Variants in MGA observed in about 807,000 individuals in gnomAD.
MGA encodes MAX dimerization protein MGA.
Under a neutral mutation model 261.1 loss-of-function variants are expected in MGA, and 40 were observed. That is an observed-to-expected ratio of 0.15 (90% CI 0.12 to 0.20). MGA has a LOEUF of 0.20. MGA is among the 10% of genes least tolerant of loss of function. The pLI is 1.00. For missense variants in MGA, 3,397 were observed against 3,630.5 expected, an observed-to-expected ratio of 0.94 and a Z score of 1.65; for synonymous variants, 1,302 against 1,290.6, an observed-to-expected ratio of 1.01 and a Z score of -0.19.
chr15:41,678,159 C>T (rs1016284344), intron 2 of MGA, among the ~76,000 whole-genome samples: 1 of 148,458 alleles, frequency 6.7e-6, no homozygotes, highest in Non-Finnish European at 1.5e-5. Flanking sequence ...GGTGTGATCT[C>T]GACTCACTGC....
rs374543045 is a variant in MGA, at chr15:41,743,058, G to A, written c.5098G>A (p.Val1700Met). 136 of 1,613,856 alleles carry A rather than the reference G, an allele frequency of 8.4e-5. No individual in the cohort carries two copies. In the East Asian group the frequency reaches 2.5e-3, roughly 29 times the overall value. ...TTCCACTGCTTCCACCTCCTTAGTC[G>A]TGGTGACTGCAGCTGCATCTTCCTC... The change falls in exon 15 of 24, where the codon GTG (valine) becomes ATG (methionine). Residue 1700 changes from valine to methionine, a missense_variant. Val to Met is a conservative substitution (Grantham distance 21, BLOSUM62 1). Coordinates refer to ENST00000219905, the MANE Select transcript of MGA (RefSeq NM_001164273.2).
intron 7 of MGA, among the ~76,000 whole-genome samples, chr15:41,708,954 C>T (rs2060248999): frequency 6.6e-6 from 1 of 152,080 alleles, no homozygotes; most frequent in Non-Finnish European, 1.5e-5. Context: ...ATAAATATGC[C>T]AGTTTTCCAA....
At chr15:41,688,676 T>C (rs1363481432) in intron 2 of MGA, among the ~76,000 whole-genome samples, 1 of 152,158 alleles carries the variant, frequency 6.6e-6, no homozygotes, top group African/African-American at 2.4e-5. Context: ...TTTCCCTGTT[T>C]TTGTGTGGAT....
intron 7 of MGA, 42 bp from the exon 8 acceptor site, chr15:41,710,649 G>T: frequency 6.6e-7 from 1 of 1,514,878 alleles, no homozygotes; most frequent in African/African-American, 1.4e-5. Context: ...TCATAAATCT[G>T]TCCTAGATTT....
intron 2 of MGA, among the ~76,000 whole-genome samples, chr15:41,671,082 T>TGGTATCTG (rs2058034117): frequency 1.3e-5 from 2 of 152,180 alleles, no homozygotes; most frequent in African/African-American, 4.8e-5. Flanking sequence ...CCTCAGATTT[T>TGGTATCTG]GGTATCTGGG....
intron 1 of MGA, among the ~76,000 whole-genome samples, chr15:41,623,482 C>T (rs1196632231): frequency 2.6e-5 from 4 of 152,018 alleles, no homozygotes; most frequent in Admixed American, 6.6e-5. Context: ...TGGTGGCTCA[C>T]GCCTGTAATC....
intron 5 of MGA, among the ~76,000 whole-genome samples, chr15:41,704,203 A>G (rs2059993501): frequency 6.6e-6 from 1 of 151,404 alleles, no homozygotes; most frequent in African/African-American, 2.4e-5. Context: ...AAAATGCTTT[A>G]TTTTTCCTTA....
Position 41,696,111 on chromosome 15 carries a change from A to G in MGA, c.1101A>G (p.Val367=), listed in dbSNP as rs779939728. ...GCAGTTTTGAAGATGACTCCCGTGTAGCCTCACCGTTAGACCAGAACGGAA... is the reference window on the plus strand; with the variant it reads ...GCAGTTTTGAAGATGACTCCCGTGTGGCCTCACCGTTAGACCAGAACGGAA... Residue 367 remains valine, a synonymous_variant, in exon 3 of 24, where the codon GTA becomes GTG. Coordinates refer to ENST00000219905, the MANE Select transcript of MGA (RefSeq NM_001164273.2). The G allele has an allele frequency of 6.2e-7, 1 of 1,613,262 alleles. No homozygotes were observed. Among genetic ancestry groups the G allele is most frequent in the South Asian group, 1.1e-5 (1 of 91,036 alleles).
In MGA at chr15:41,768,957, A is replaced by G. The variant is rs866813771; in HGVS notation, c.*1677A>G. ...GCTGCTTGCCTTTCTAGATCTGCTCATCAGCACTTAACCTTCCCTCCTCTA... is the reference window on the plus strand; with the variant it reads ...GCTGCTTGCCTTTCTAGATCTGCTCGTCAGCACTTAACCTTCCCTCCTCTA... On this transcript the variant is annotated 3_prime_UTR_variant, in exon 24 of 24. Transcript: ENST00000219905. The G allele has an allele frequency of 3.3e-5, 5 of 152,720 alleles. No individual in the cohort carries two copies. The East Asian group carries it at 5.8e-4, about 18-fold the overall frequency. 9.5% of individuals were successfully genotyped at this position (152,720 alleles called of 1,614,324 possible).
At chr15:41,762,067 G>T (rs1043282863) in intron 21 of MGA, 62 bp from the exon 22 acceptor site, 12 of 1,340,700 alleles carry the variant, frequency 9.0e-6, no homozygotes. Context: ...GATTTCTGTT[G>T]ACTCTGTTTC....
In MGA at chr15:41,767,872, A is replaced by C. The variant is rs2063875709; in HGVS notation, c.*592A>C. The C allele has an allele frequency of 6.5e-6, 1 of 152,688 alleles. No individual in the cohort carries two copies. Among genetic ancestry groups the C allele is most frequent in the African/African-American group, 2.4e-5 (1 of 41,466 alleles). 9.5% of individuals were successfully genotyped at this position (152,688 alleles called of 1,614,324 possible). A position where few individuals can be genotyped will look rare whatever the true frequency, so the allele number is the denominator to read the frequency against. ...GTAGCTCCCATTCCCTCACCTTTTCAATCAGAATTAACAAATTCAAGCCTT... is the reference window on the plus strand; with the variant it reads ...GTAGCTCCCATTCCCTCACCTTTTCCATCAGAATTAACAAATTCAAGCCTT... On this transcript the variant is annotated 3_prime_UTR_variant, in exon 24 of 24. Transcript: ENST00000219905.
At position 41,767,002 on chromosome 15, in the gene MGA, G is replaced by A; in HGVS notation, c.8920G>A (p.Glu2974Lys). 6.2e-7 allele frequency: 1 copy of A among 1,614,010 alleles called. No individual in the cohort carries two copies. Among genetic ancestry groups the A allele is most frequent in the Non-Finnish European group, 8.5e-7 (1 of 1,179,908 alleles). ...CACCCTACACATGAAGACTGGCTTG[G>A]AGAACAGCAACAGCACAGACACTTT... The change falls in exon 24 of 24, where the codon GAG (glutamate) becomes AAG (lysine). Residue 2974 changes from glutamate (E) to lysine (K), a missense_variant. Glu to Lys is a moderately conservative substitution (Grantham distance 56). This residue lies in a region of MGA where 647 missense variants were observed against 642.4 expected (regional missense o/e 1.01). Coordinates refer to ENST00000219905, the MANE Select transcript of MGA (RefSeq NM_001164273.2).
intron 14 of MGA, 98 bp downstream of exon 14, chr15:41,740,301 C>G: frequency 7.8e-7 from 1 of 1,278,232 alleles, no homozygotes. Context: ...GAAATATGTA[C>G]TTTGGCATTA....
Position 41,754,322 on chromosome 15 carries a change from T to C in MGA, c.7009-115T>C, listed in dbSNP as rs1006113513. 5.6e-6 allele frequency: 5 copies of C among 888,792 alleles called. No homozygotes were observed. In the Admixed American group the frequency reaches 1.6e-4, roughly 28 times the overall value. 55.1% of individuals were successfully genotyped at this position (888,792 alleles called of 1,614,324 possible). On this transcript the variant is annotated intron_variant, in intron 17 of 23. Transcript: ENST00000219905. ...ACAATCTTAGGATTATCAGTACTCA[T>C]GATATAACATGAATGTCTGGCATTA...
At chr15:41,760,286 TG>T in intron 19 of MGA, 36 bp from the exon 20 acceptor site, 1 of 1,596,302 alleles carries the variant, frequency 6.3e-7, no homozygotes, top group East Asian at 2.2e-5. Context: ...GCCAACTACA[TG>T]TTCAAGATGT....
chr15:41,698,964 G>C (rs1316370814), intron 4 of MGA, 23 bp downstream of exon 4: 4 of 1,545,018 alleles, frequency 2.6e-6, no homozygotes, highest in East Asian at 2.4e-5. Flanking sequence ...AGTATAAAAA[G>C]AGTTGTATTT....
intron 2 of MGA, among the ~76,000 whole-genome samples, chr15:41,681,935 G>A (rs942721374): frequency 2.0e-5 from 3 of 151,190 alleles, no homozygotes; most frequent in African/African-American, 7.3e-5. Flanking sequence ...TTGTTTTTCC[G>A]AGATGGAGTT....
At chr15:41,759,865 A>G (rs1008554694) in intron 19 of MGA, among the ~76,000 whole-genome samples, 1 of 152,134 alleles carries the variant, frequency 6.6e-6, no homozygotes. Context: ...TATTTTGGGA[A>G]TTTCTAGCAG....
intron 2 of MGA, among the ~76,000 whole-genome samples, chr15:41,672,730 T>G (rs1033354404): frequency 6.6e-6 from 1 of 152,194 alleles, no homozygotes; most frequent in African/African-American, 2.4e-5. Context: ...ATAGCCTATT[T>G]TAGTATGTAT....
Sources: allele counts gnomAD v4.1 joint callset (sites outside exome capture counted in the v4.1 genomes callset), GRCh38; gene constraint gnomAD v4.1.1; regional missense constraint gnomAD v4.1.1; transcripts MANE v1.5; gene names NCBI Gene and HGNC (gene_info 2026-07-23, HGNC 2026-07-21).